Variants in PPME1 observed in about 807,000 individuals in gnomAD.
PPME1 encodes protein phosphatase methylesterase 1.
PPME1 carries 17 observed loss-of-function variants against 56.9 expected under a neutral mutation model. The observed-to-expected ratio is 0.30, with a 90% CI of 0.20 to 0.45. The LOEUF (loss-of-function observed/expected upper bound fraction) is 0.45, where lower values mean the gene tolerates loss of function less well. Ranked by LOEUF, PPME1 falls within the 20% of genes least tolerant of loss-of-function variation. PPME1 has a pLI of 1.00. For synonymous variants in PPME1, 122 were observed against 156.2 expected (o/e 0.78, Z 1.63); for missense variants, 357 against 483.2 (o/e 0.74, Z 2.45).
At chr11:74,195,233 G>A (rs552836510) in intron 1 of PPME1, among the ~76,000 whole-genome samples, 2 of 152,248 alleles carry the variant, frequency 1.3e-5, no homozygotes, top group South Asian at 4.2e-4. Context: ...GTCTCTCCTC[G>A]AGAGCATCTC....
intron 3 of PPME1, among the ~76,000 whole-genome samples, chr11:74,210,346 C>T (rs1298408140): frequency 3.3e-5 from 5 of 152,162 alleles, no homozygotes; most frequent in Non-Finnish European, 7.3e-5. Context: ...AAAATTCATA[C>T]AGAAACTAGA....
chr11:74,226,380 C>CAG (rs368824481), intron 5 of PPME1, among the ~76,000 whole-genome samples: 1 of 151,488 alleles, frequency 6.6e-6, no homozygotes, highest in Non-Finnish European at 1.5e-5. Flanking sequence ...TAGTCCTTGG[C>CAG]AGAGAGAGAG....
chr11:74,243,438 T>G (rs1237171174), intron 9 of PPME1: 2 of 152,146 alleles, frequency 1.3e-5, no homozygotes, highest in Admixed American at 6.5e-5. Flanking sequence ...AGGAGGGGCT[T>G]GTGAGATTAT....
chr11:74,218,995 G>T (rs1001193830), intron 3 of PPME1, among the ~76,000 whole-genome samples: 6 of 152,016 alleles, frequency 3.9e-5, no homozygotes, highest in Admixed American at 6.6e-5. Flanking sequence ...TCTGACAAGG[G>T]ATTAATAACC....
chr11:74,211,212 G>A (rs1252193422), intron 3 of PPME1, among the ~76,000 whole-genome samples: 1 of 152,128 alleles, frequency 6.6e-6, no homozygotes, highest in Non-Finnish European at 1.5e-5. Flanking sequence ...ATGGAAATAA[G>A]TTATGTTCCT....
chr11:74,199,008 T>C (rs1244537097), intron 1 of PPME1, among the ~76,000 whole-genome samples: 2 of 152,236 alleles, frequency 1.3e-5, no homozygotes, highest in East Asian at 3.8e-4. Context: ...CTTTTAGCTT[T>C]TCAAAAATAC....
Position 74,230,834 on chromosome 11 carries a change from T to C in PPME1, c.554-78T>C, listed in dbSNP as rs1859046901. On this transcript the variant is annotated intron_variant, in intron 6 of 13. Transcript: ENST00000328257. The surrounding 1 kb of genome is among the most constrained non-coding windows in gnomAD (Gnocchi z 4.9). ...AAATTCTGCTGTCATCAAGAGCAGA[T>C]ATATAGTAGTTGACTCAGTAAGTGT... 1 of 1,043,052 alleles carries C rather than the reference T, an allele frequency of 9.6e-7. No homozygotes were observed. The highest frequency in any genetic ancestry group is 1.5e-6 in the Non-Finnish European group (1 of 687,254). 64.6% of individuals were successfully genotyped at this position (1,043,052 alleles called of 1,614,324 possible).
At chr11:74,243,942 A>G (rs1321696875) in intron 9 of PPME1, among the ~76,000 whole-genome samples, 1 of 151,574 alleles carries the variant, frequency 6.6e-6, no homozygotes, top group African/African-American at 2.4e-5. Context: ...CTTTTCTAAA[A>G]CTCTTCCAAA....
chr11:74,216,024 G>T (rs1858632008), intron 3 of PPME1, among the ~76,000 whole-genome samples: 2 of 152,222 alleles, frequency 1.3e-5, no homozygotes, highest in Non-Finnish European at 2.9e-5. Flanking sequence ...TAGAGCTGAA[G>T]AGGGAGAGAT....
intron 1 of PPME1, among the ~76,000 whole-genome samples, chr11:74,190,615 A>G (rs1374233566): frequency 6.6e-6 from 1 of 152,238 alleles, no homozygotes; most frequent in South Asian, 2.1e-4. Context: ...GACAACACAG[A>G]AAATTGATAC....
At chr11:74,234,684 A>C (rs530727978) in intron 7 of PPME1, among the ~76,000 whole-genome samples, 2 of 152,354 alleles carry the variant, frequency 1.3e-5, no homozygotes, top group East Asian at 3.9e-4. Context: ...AAGTTGGGGA[A>C]AGGATGAGAG....
In PPME1 at chr11:74,201,305, A is replaced by G. The variant is rs116261387; in HGVS notation, c.102-2423A>G. On this transcript the variant is annotated intron_variant, in intron 1 of 13. Transcript: ENST00000328257. Reference sequence around the variant, plus strand: ...CCTTTTTTGTTTTTTGTTTTTTTTAAATGAAGGAAATTAGAAGTGGAGGGT... The same window carrying G: ...CCTTTTTTGTTTTTTGTTTTTTTTAGATGAAGGAAATTAGAAGTGGAGGGT... Among the ~76,000 whole-genome samples the G allele has an allele frequency of 4.3e-3, 652 of 152,198 alleles. 4 individuals carry two copies. The highest frequency in any genetic ancestry group is 0.015 in the African/African-American group (628 of 41,518).
chr11:74,196,982 C>T (rs921457419), intron 1 of PPME1, among the ~76,000 whole-genome samples: 2 of 152,110 alleles, frequency 1.3e-5, no homozygotes, highest in Non-Finnish European at 2.9e-5. Context: ...GAATGCAGCC[C>T]GGCAAGTCCC....
At chr11:74,178,941 T>G (rs966253847) in intron 1 of PPME1, among the ~76,000 whole-genome samples, 1 of 152,154 alleles carries the variant, frequency 6.6e-6, no homozygotes, top group Non-Finnish European at 1.5e-5. Context: ...AAGAAACTTT[T>G]AATTAATAGT....
intron 5 of PPME1, among the ~76,000 whole-genome samples, chr11:74,229,518 A>T (rs61377275): frequency 0.031 from 4,731 of 150,956 alleles, 222 homozygotes; most frequent in African/African-American, 0.11. Context: ...ATAATTGAAG[A>T]TTAGAACCAA....
intron 3 of PPME1, among the ~76,000 whole-genome samples, chr11:74,214,732 A>C (rs2135638872): frequency 6.6e-6 from 1 of 152,290 alleles, no homozygotes; most frequent in South Asian, 2.1e-4. Flanking sequence ...ATCCAGTCAA[A>C]ATATCCTTCA....
intron 3 of PPME1, among the ~76,000 whole-genome samples, chr11:74,217,961 A>G (rs1026975314): frequency 1.3e-5 from 2 of 152,216 alleles, no homozygotes; most frequent in African/African-American, 4.8e-5. Flanking sequence ...AAGAAAGGGC[A>G]TCCAAATTGG....
intron 1 of PPME1, among the ~76,000 whole-genome samples, chr11:74,177,959 A>G (rs1857440482): frequency 6.6e-6 from 1 of 152,228 alleles, no homozygotes; most frequent in South Asian, 2.1e-4. Context: ...TAAGTCTACA[A>G]AAATCCCCAA....
intron 3 of PPME1, among the ~76,000 whole-genome samples, chr11:74,207,860 T>G (rs932437905): frequency 1.3e-5 from 2 of 152,196 alleles, no homozygotes; most frequent in African/African-American, 2.4e-5. Flanking sequence ...CTCTGAAGAA[T>G]CTGGGACCAG....
Sources: gnomAD v4.1 joint callset for allele counts (sites outside exome capture counted in the v4.1 genomes callset) on GRCh38, gnomAD v4.1.1 for gene constraint, Gnocchi (gnomAD v3.1) non-coding constraint, MANE v1.5 for transcripts, NCBI Gene and HGNC (gene_info 2026-07-23, HGNC 2026-07-21) for gene names.